Variants in DMGDH observed in about 807,000 individuals in gnomAD.
The protein encoded by DMGDH is dimethylglycine dehydrogenase.
A neutral mutation model predicts 95.2 loss-of-function variants in DMGDH; 76 were observed. The observed-to-expected ratio is 0.80, with a 90% CI of 0.66 to 0.97. The LOEUF (loss-of-function observed/expected upper bound fraction) is 0.97, where lower values mean the gene tolerates loss of function less well. Ranked by LOEUF, DMGDH falls within the 50% of genes least tolerant of loss-of-function variation. DMGDH has a pLI of 0.00. For missense variants in DMGDH, 987 were observed against 1,055.0 expected, an observed-to-expected ratio of 0.94 and a Z score of 0.89; for synonymous variants, 345 against 377.6, an observed-to-expected ratio of 0.91 and a Z score of 1.00.
At chr5:79,050,562 T>C (rs1754824630) in intron 5 of DMGDH, among the ~76,000 whole-genome samples, 1 of 152,182 alleles carries the variant, frequency 6.6e-6, no homozygotes, top group African/African-American at 2.4e-5. Context: ...GCATGTGTGA[T>C]ACTTGAAAAT....
At chr5:79,031,897 C>G (rs547198053) in intron 9 of DMGDH, among the ~76,000 whole-genome samples, 20 of 152,300 alleles carry the variant, frequency 1.3e-4, no homozygotes, top group South Asian at 1.0e-3. Flanking sequence ...ACCAAATAAT[C>G]TAGATTGGCT....
At chr5:79,054,711 A>G (rs544424) in intron 3 of DMGDH, among the ~76,000 whole-genome samples, 92,130 of 152,036 alleles carry the variant, frequency 0.61, 28,380 homozygotes, top group East Asian at 0.78. Flanking sequence ...TGTATGAAAA[A>G]GAGAAAGACA....
At chr5:79,057,135 C>T (rs1181528134) in intron 2 of DMGDH, among the ~76,000 whole-genome samples, 2 of 152,138 alleles carry the variant, frequency 1.3e-5, no homozygotes, top group African/African-American at 4.8e-5. Flanking sequence ...TGGTACACTG[C>T]AAATCTTTGT....
At chr5:79,069,441 C>T in intron 1 of DMGDH, 79 bp downstream of exon 1, 2 of 840,218 alleles carry the variant, frequency 2.4e-6, no homozygotes, top group Non-Finnish European at 3.2e-6. Context: ...GCGCTCCTAA[C>T]CCCTGAGCCT....
intron 7 of DMGDH, among the ~76,000 whole-genome samples, chr5:79,039,454 AC>A (rs1263024714): frequency 6.6e-6 from 1 of 152,110 alleles, no homozygotes; most frequent in Non-Finnish European, 1.5e-5. Context: ...AACTATCGCA[AC>A]GACAAAAAAC....
chr5:79,002,834 G>C (rs965216061), intron 15 of DMGDH, among the ~76,000 whole-genome samples: 8 of 152,214 alleles, frequency 5.3e-5, no homozygotes, highest in African/African-American at 1.9e-4. Context: ...CTATCTGTAT[G>C]TAAAATGATG....
chr5:78,998,346 GCTC>G, intron 15 of DMGDH, 49 bp from the exon 16 acceptor site: 2 of 1,553,866 alleles, frequency 1.3e-6, no homozygotes, highest in African/African-American at 1.4e-5. Flanking sequence ...ACAGCTCTGT[GCTC>G]CTCATCTCTG....
At chr5:79,033,525 CA>C in intron 7 of DMGDH, 117 bp from the exon 8 acceptor site, 1 of 1,227,128 alleles carries the variant, frequency 8.1e-7, no homozygotes, top group Non-Finnish European at 1.2e-6. Flanking sequence ...TCAGAACACA[CA>C]AGTAACATAA....
intron 14 of DMGDH, among the ~76,000 whole-genome samples, chr5:79,007,714 A>G (rs1389105632): frequency 6.6e-6 from 1 of 152,172 alleles, no homozygotes; most frequent in Non-Finnish European, 1.5e-5. Context: ...TTCCTCACCT[A>G]CCATCATGGA....
chr5:79,024,308 A>C lies in DMGDH; in HGVS notation c.2213T>G (p.Leu738Trp). The C allele has an allele frequency of 6.2e-7, 1 of 1,613,660 alleles. No homozygotes were observed. Among genetic ancestry groups the C allele is most frequent in the Non-Finnish European group, 8.5e-7 (1 of 1,179,738 alleles). The change falls in exon 14 of 16, where the codon TTG (leucine) becomes TGG (tryptophan). Residue 738 changes from leucine to tryptophan, a missense_variant. By Grantham distance (61) the Leu-to-Trp change is moderately conservative. Transcript: ENST00000255189. ...CACAAAATATTCCAGTCCAGCTTCC[A>C]AAGGATTTGTATCACAGTTCATCTA... ...GLEMNCDTNP[L>W]EAGLEYFVKL...
intron 5 of DMGDH, among the ~76,000 whole-genome samples, chr5:79,049,087 C>T (rs1472564352): frequency 1.3e-5 from 2 of 152,122 alleles, no homozygotes; most frequent in Admixed American, 6.5e-5. Flanking sequence ...TTTCCAGGCT[C>T]GTACGAGACA....
chr5:79,024,329 A>G lies in DMGDH; in HGVS notation c.2192T>C (p.Met731Thr). ...EKAFRAWGLE[M>T]NCDTNPLEAG... ...TTCCAAAGGATTTGTATCACAGTTCATCTAAAAAGGAAACACACATTTTAA... is the reference window on the plus strand; with the variant it reads ...TTCCAAAGGATTTGTATCACAGTTCGTCTAAAAAGGAAACACACATTTTAA... The change falls in exon 14 of 16, where the codon ATG (methionine) becomes ACG (threonine). Residue 731 changes from methionine to threonine, a missense_variant and splice_region_variant. Physicochemically the swap from Met to Thr is moderately conservative, Grantham distance 81. Transcript: ENST00000255189. The G allele has an allele frequency of 1.2e-6, 2 of 1,613,366 alleles. No individual in the cohort carries two copies. The highest frequency in any genetic ancestry group is 1.1e-5 in the South Asian group (1 of 91,066).
intron 4 of DMGDH, 143 bp from the exon 5 acceptor site, chr5:79,051,634 T>A (rs1042318506): frequency 1.2e-5 from 9 of 758,410 alleles, no homozygotes; most frequent in Non-Finnish European, 1.7e-5. Flanking sequence ...CCTGAAGACT[T>A]CATGAAAAAG....
At chr5:79,005,505 C>A in intron 14 of DMGDH, 98 bp from the exon 15 acceptor site, 1 of 1,483,016 alleles carries the variant, frequency 6.7e-7, no homozygotes, top group South Asian at 1.2e-5. Flanking sequence ...ATTTTCTCAC[C>A]AATTACACAT....
At chr5:79,069,416 T>A (rs2112687091) in intron 1 of DMGDH, 104 bp downstream of exon 1, 1 of 534,572 alleles carries the variant, frequency 1.9e-6, no homozygotes, top group East Asian at 3.5e-5. Context: ...CAAGGCCTAT[T>A]TCTTGGAGGC....
At chr5:79,008,757 T>C (rs2112602292) in intron 14 of DMGDH, among the ~76,000 whole-genome samples, 1 of 152,140 alleles carries the variant, frequency 6.6e-6, no homozygotes, top group South Asian at 2.1e-4. Context: ...GGGCAAAAAC[T>C]TTCTCTAGAA....
intron 14 of DMGDH, among the ~76,000 whole-genome samples, chr5:79,016,255 G>C (rs947445901): frequency 7.3e-5 from 11 of 150,608 alleles, no homozygotes; most frequent in Admixed American, 7.3e-4. Flanking sequence ...AGGAATATAA[G>C]GCAAGAAAAA....
intron 14 of DMGDH, among the ~76,000 whole-genome samples, chr5:79,008,069 G>C (rs1049373427): frequency 1.3e-4 from 20 of 152,174 alleles, no homozygotes; most frequent in African/African-American, 4.8e-4. Context: ...TACAAATTTT[G>C]AAATATGACT....
intron 6 of DMGDH, among the ~76,000 whole-genome samples, chr5:79,042,760 C>A (rs1355802818): frequency 7.9e-6 from 1 of 127,044 alleles, no homozygotes; most frequent in Non-Finnish European, 1.7e-5. Context: ...GATATTTAAT[C>A]CAATCAGTTT....
Sources: gnomAD v4.1 joint callset for allele counts (sites outside exome capture counted in the v4.1 genomes callset) on GRCh38, gnomAD v4.1.1 for gene constraint, MANE v1.5 for transcripts, NCBI Gene and HGNC (gene_info 2026-07-23, HGNC 2026-07-21) for gene names.